The following NUDT4 variants were observed in gnomAD, a reference collection of about 807,000 sequenced individuals.
The protein encoded by NUDT4 is nudix hydrolase 4, also known as diphosphoinositol polyphosphate phosphohydrolase 2.
Under a neutral mutation model 23.1 loss-of-function variants are expected in NUDT4, and 5 were observed. The observed-to-expected ratio is 0.22, with a 90% confidence interval of 0.11 to 0.46. NUDT4 has a LOEUF of 0.46. Ranked by LOEUF, NUDT4 falls within the 20% of genes least tolerant of loss-of-function variation. NUDT4 has a pLI of 0.99. For missense variants in NUDT4, 96 were observed against 211.6 expected, an observed-to-expected ratio of 0.45 and a Z score of 3.39; for synonymous variants, 50 against 79.0, an observed-to-expected ratio of 0.63 and a Z score of 1.95.
chr12:93,389,899 C>CA (rs112297022), intron 1 of NUDT4, among the ~76,000 whole-genome samples: 15,217 of 138,806 alleles, frequency 0.11, 1,000 homozygotes, highest in Admixed American at 0.19. Flanking sequence ...GACTCTGTCT[C>CA]AAAAAAAAAA....
At chr12:93,388,211 T>C (rs1876241778) in intron 1 of NUDT4, among the ~76,000 whole-genome samples, 9 of 152,256 alleles carry the variant, frequency 5.9e-5, no homozygotes. Context: ...AAATTTATTC[T>C]TCCTGAGATG....
In NUDT4 at chr12:93,406,752, T is replaced by C. The variant is rs890777168; in HGVS notation, c.*7373T>C. ...ACATAAGCGGGAGGATTTGTGTAGA[T>C]TGTATGCATATACAACATCATTTTA... On this transcript the variant is annotated 3_prime_UTR_variant, in exon 5 of 5. Transcript: ENST00000415493. The C allele has an allele frequency of 2.0e-5, 3 of 152,194 alleles. No individual in the cohort carries two copies. The highest frequency in any genetic ancestry group is 1.9e-4 in the East Asian group (1 of 5,198). 9.4% of individuals were successfully genotyped at this position (152,194 alleles called of 1,614,324 possible).
Position 93,407,330 on chromosome 12 carries a change from T to G in NUDT4, c.*7951T>G, listed in dbSNP as rs1016359703. The G allele has an allele frequency of 6.6e-6, 1 of 152,188 alleles. No homozygotes were observed. Among genetic ancestry groups the G allele is most frequent in the Admixed American group, 6.5e-5 (1 of 15,272 alleles). 9.4% of individuals were successfully genotyped at this position (152,188 alleles called of 1,614,324 possible). A position where few individuals can be genotyped will look rare whatever the true frequency, so the allele number is the denominator to read the frequency against. ...ACTATTTGTCTGTCCCCCTTCCCCA[T>G]TAGAGTATATGGTCCCCAAAGGAAA... On this transcript the variant is annotated 3_prime_UTR_variant, in exon 5 of 5. Coordinates refer to ENST00000415493, the MANE Select transcript of NUDT4 (RefSeq NM_019094.6).
chr12:93,388,547 A>C (rs1876263993), intron 1 of NUDT4, among the ~76,000 whole-genome samples: 1 of 152,208 alleles, frequency 6.6e-6, no homozygotes, highest in African/African-American at 2.4e-5. Flanking sequence ...TTTTGACAGG[A>C]GTCAGTCTGT....
intron 1 of NUDT4, among the ~76,000 whole-genome samples, chr12:93,384,292 C>T (rs562243448): frequency 2.6e-5 from 4 of 152,164 alleles, no homozygotes; most frequent in African/African-American, 7.2e-5. Context: ...CTCAGCCTCC[C>T]GAGTAGCTGA....
intron 1 of NUDT4, 33 bp downstream of exon 1, chr12:93,378,454 G>T (rs1199214871): frequency 2.6e-6 from 4 of 1,522,828 alleles, no homozygotes; most frequent in Non-Finnish European, 3.5e-6. Flanking sequence ...CTGCCCTCCG[G>T]GGCGCCGGGG....
chr12:93,381,838 T>A (rs1342855806), intron 1 of NUDT4, among the ~76,000 whole-genome samples: 2 of 152,244 alleles, frequency 1.3e-5, no homozygotes, highest in Non-Finnish European at 2.9e-5. Flanking sequence ...GTAGATGTGT[T>A]CAAGCTTGAG....
intron 1 of NUDT4, among the ~76,000 whole-genome samples, chr12:93,389,991 AT>A (rs1462024304): frequency 6.6e-6 from 1 of 152,176 alleles, no homozygotes; most frequent in Non-Finnish European, 1.5e-5. Context: ...ATCTCCTGTA[AT>A]TTAGCTCTGT....
chr12:93,380,312 T>C (rs968252461), intron 1 of NUDT4, among the ~76,000 whole-genome samples: 2 of 152,236 alleles, frequency 1.3e-5, no homozygotes, highest in African/African-American at 4.8e-5. Context: ...ATTGTGCTTA[T>C]GGTAAAGCAA....
rs1361546883 is a variant in NUDT4, at chr12:93,407,932, T to C, written c.*8553T>C. 2 of 152,190 alleles carry C rather than the reference T, an allele frequency of 1.3e-5. No homozygotes were observed. The highest frequency in any genetic ancestry group is 3.8e-4 in the East Asian group (2 of 5,196). 9.4% of individuals were successfully genotyped at this position (152,190 alleles called of 1,614,324 possible). A position where few individuals can be genotyped will look rare whatever the true frequency, so the allele number is the denominator to read the frequency against. On this transcript the variant is annotated 3_prime_UTR_variant, in exon 5 of 5. Transcript: ENST00000415493. ...AAAACTGCAAAGGAAAAAAATATGA[T>C]ACCATGAAATTAGAAATTCACTGCA... is the stretch of plus-strand genomic sequence containing the variant.
At position 93,405,577 on chromosome 12, in the gene NUDT4, G is replaced by C. The variant is rs1486119627; in HGVS notation, c.*6198G>C. 1.1e-5 allele frequency: 1 copy of C among 92,042 alleles called. No homozygotes were observed. The highest frequency in any genetic ancestry group is 1.0e-4 in the Admixed American group (1 of 9,750). The allele number at this position is 92,042 out of a possible 1,614,324, so 5.7% of individuals were successfully genotyped here. On this transcript the variant is annotated 3_prime_UTR_variant, in exon 5 of 5. Transcript: ENST00000415493. Reference sequence around the variant, plus strand: ...CTCCCAGCATGGCAGCTAATGGCAAGTTAGTACCATAAAGCCAACTCTTGG... The same window carrying C: ...CTCCCAGCATGGCAGCTAATGGCAACTTAGTACCATAAAGCCAACTCTTGG...
rs1292410459 is a variant in NUDT4, at chr12:93,405,105, CCT to C, written c.*5727_*5728del. ...ACTTGGTTGCTCAGTCCTGATGTGT[CCT>C]GTTAAAACCTAAGAGAAACAGCACC... is the stretch of plus-strand genomic sequence containing the variant. On this transcript the variant is annotated 3_prime_UTR_variant, in exon 5 of 5. Coordinates refer to ENST00000415493, the MANE Select transcript of NUDT4 (RefSeq NM_019094.6). The C allele has an allele frequency of 6.6e-6, 1 of 152,056 alleles. No individual in the cohort carries two copies. The highest frequency in any genetic ancestry group is 1.9e-4 in the East Asian group (1 of 5,196). 9.4% of individuals were successfully genotyped at this position (152,056 alleles called of 1,614,324 possible).
chr12:93,393,283 G>A (rs1226309850), intron 1 of NUDT4, among the ~76,000 whole-genome samples: 1 of 149,890 alleles, frequency 6.7e-6, no homozygotes, highest in East Asian at 2.0e-4. Context: ...TGTATTTTTA[G>A]TAAAGACGGG....
At position 93,381,579 on chromosome 12, in the gene NUDT4, C is replaced by T. The variant is rs568355406; in HGVS notation, c.99+3158C>T. Among the ~76,000 whole-genome samples, 12 of 152,148 alleles carry T rather than the reference C, an allele frequency of 7.9e-5. No individual in the cohort carries two copies. The South Asian group carries it at 1.7e-3, about 21-fold the overall frequency. On this transcript the variant is annotated intron_variant, in intron 1 of 4. Transcript: ENST00000415493. Reference sequence around the variant, plus strand: ...AAATAAAGTAAGGGAAAAGTGCGGTCGGGTATTCTGGGGTTCAGATCCAAT... The same window carrying T: ...AAATAAAGTAAGGGAAAAGTGCGGTTGGGTATTCTGGGGTTCAGATCCAAT...
At position 93,406,275 on chromosome 12, in the gene NUDT4, C is replaced by CAAAAAAAAAAAAAAAAAAAAAAAAAA. The variant is rs58309798; in HGVS notation, c.*6901_*6926dup. The CAAAAAAAAAAAAAAAAAAAAAAAAAA allele has an allele frequency of 1.8e-4, 7 of 37,998 alleles. 1 individual carries two copies. Among genetic ancestry groups the CAAAAAAAAAAAAAAAAAAAAAAAAAA allele is most frequent in the Non-Finnish European group, 2.5e-4 (5 of 20,268 alleles). 2.4% of individuals were successfully genotyped at this position (37,998 alleles called of 1,614,324 possible). A position where few individuals can be genotyped will look rare whatever the true frequency, so the allele number is the denominator to read the frequency against. The stretch of plus-strand genomic sequence containing the variant: ...AGAGCTAGAAAGTGGCTAGAGCAGC[C>CAAAAAAAAAAAAAAAAAAAAAAAAAA]AAAAAAAAAAAAAAAAAAAAAAAAA... On this transcript the variant is annotated 3_prime_UTR_variant, in exon 5 of 5. Transcript: ENST00000415493.
chr12:93,378,003 C>A lies in NUDT4; in HGVS notation c.-320C>A. On this transcript the variant is annotated 5_prime_UTR_variant, in exon 1 of 5. Coordinates refer to ENST00000415493, the MANE Select transcript of NUDT4 (RefSeq NM_019094.6). Reference sequence around the variant, plus strand: ...GTGGCGCGCGCCTCTAGCCGCCCTTCCCCTGGCGGCTACGGCCGGAGGGAG... The same window carrying A: ...GTGGCGCGCGCCTCTAGCCGCCCTTACCCTGGCGGCTACGGCCGGAGGGAG... 8.2e-6 allele frequency: 2 copies of A among 245,300 alleles called. No homozygotes were observed. Among genetic ancestry groups the A allele is most frequent in the East Asian group, 1.1e-4 (1 of 9,272 alleles). 15.2% of individuals were successfully genotyped at this position (245,300 alleles called of 1,614,324 possible). A position where few individuals can be genotyped will look rare whatever the true frequency, so the allele number is the denominator to read the frequency against.
chr12:93,397,776 TG>T (rs1463136586), intron 3 of NUDT4, among the ~76,000 whole-genome samples: 1 of 152,066 alleles, frequency 6.6e-6, no homozygotes, highest in Non-Finnish European at 1.5e-5. Context: ...CTGCCCGCCT[TG>T]GCCTCCCAAA....
intron 1 of NUDT4, among the ~76,000 whole-genome samples, chr12:93,379,136 G>A (rs1002529582): frequency 1.3e-5 from 2 of 152,170 alleles, no homozygotes; most frequent in Non-Finnish European, 2.9e-5. Context: ...TATGTATAAA[G>A]GGTTCTTTGC....
intron 2 of NUDT4, 30 bp downstream of exon 2, chr12:93,394,749 T>TTAAAAA (rs1380219324): frequency 7.0e-7 from 1 of 1,434,920 alleles, no homozygotes; most frequent in African/African-American, 1.4e-5. Context: ...AAATTCTGTT[T>TTAAAAA]CGGAGTTTTA....
Sources: allele counts gnomAD v4.1 joint callset (sites outside exome capture counted in the v4.1 genomes callset), GRCh38; gene constraint gnomAD v4.1.1; transcripts MANE v1.5; gene names NCBI Gene and HGNC (gene_info 2026-07-23, HGNC 2026-07-21).